The following THSD7B variants were observed in gnomAD, a reference collection of about 807,000 sequenced individuals.
The protein encoded by THSD7B is thrombospondin type 1 domain containing 7B.
In THSD7B, 138 loss-of-function variants were observed where a neutral mutation model predicts 213.6. The ratio of observed to expected loss-of-function variants is 0.65; its 90% CI spans 0.56 to 0.74. THSD7B has a LOEUF of 0.74. Among genes scored for constraint, THSD7B ranks in the 30% least tolerant of loss-of-function variants. The pLI is 0.00. For synonymous variants in THSD7B, 742 were observed against 687.0 expected, an observed-to-expected ratio of 1.08 and a Z score of -1.25; for missense variants, 1,931 against 1,991.5, an observed-to-expected ratio of 0.97 and a Z score of 0.58.
At chr2:137,625,998 A>C (rs961446021) in intron 20 of THSD7B, among the ~76,000 whole-genome samples, 2 of 152,214 alleles carry the variant, frequency 1.3e-5, no homozygotes, top group Non-Finnish European at 2.9e-5. Context: ...GCATGGTTAC[A>C]TCTAGGGCAG....
intron 2 of THSD7B, among the ~76,000 whole-genome samples, chr2:136,932,373 A>T (rs1212139079): frequency 2.0e-5 from 3 of 152,198 alleles, no homozygotes; most frequent in African/African-American, 7.2e-5. Context: ...GAAGATATGG[A>T]AACAGTGAAA....
At chr2:136,814,154 A>T (rs1682433523) in intron 1 of THSD7B, among the ~76,000 whole-genome samples, 1 of 152,208 alleles carries the variant, frequency 6.6e-6, no homozygotes, top group African/African-American at 2.4e-5. Flanking sequence ...TAATCATTAC[A>T]TGAACTGCAT....
intron 1 of THSD7B, among the ~76,000 whole-genome samples, chr2:136,812,539 T>C (rs1682393147): frequency 6.6e-6 from 1 of 152,228 alleles, no homozygotes; most frequent in Non-Finnish European, 1.5e-5. Context: ...TAATAAGAAC[T>C]ACTATTTATT....
chr2:136,800,376 TC>T (rs1682154703), intron 1 of THSD7B, among the ~76,000 whole-genome samples: 1 of 151,996 alleles, frequency 6.6e-6, no homozygotes, highest in African/African-American at 2.4e-5. Flanking sequence ...GAACTGTATC[TC>T]CATCATCTCA....
At chr2:137,502,454 A>G (rs1293548341) in intron 15 of THSD7B, among the ~76,000 whole-genome samples, 1 of 152,196 alleles carries the variant, frequency 6.6e-6, no homozygotes, top group Non-Finnish European at 1.5e-5. Flanking sequence ...GACAAATCTT[A>G]CATTTGAAAT....
At chr2:137,127,295 G>C (rs1274859906) in intron 5 of THSD7B, among the ~76,000 whole-genome samples, 1 of 152,096 alleles carries the variant, frequency 6.6e-6, no homozygotes, top group Non-Finnish European at 1.5e-5. Context: ...TTTTTACTCA[G>C]TTGCATACCA....
intron 3 of THSD7B, among the ~76,000 whole-genome samples, chr2:137,088,080 A>C (rs1166872643): frequency 1.3e-5 from 2 of 151,874 alleles, no homozygotes; most frequent in Admixed American, 6.6e-5. Context: ...TCTCTACTAA[A>C]ATACAAAAAA....
Position 137,141,663 on chromosome 2 carries a change from G to A in THSD7B, c.1370-18550G>A, listed in dbSNP as rs559734317. 2.9e-5 allele frequency among the ~76,000 whole-genome samples: 4 copies of A among 135,960 alleles called. No homozygotes were observed. The South Asian group carries it at 7.1e-4, about 24-fold the overall frequency. The allele number at this position is 135,960 out of a possible 152,430, so 89.2% of individuals were successfully genotyped here. Reference sequence around the variant, plus strand: ...AGTGAAAGGTACATGGGAACTCCATGCCCCTGTGTGTGTGTATGTGCGTGT... The same window carrying A: ...AGTGAAAGGTACATGGGAACTCCATACCCCTGTGTGTGTGTATGTGCGTGT... On this transcript the variant is annotated intron_variant, in intron 5 of 27. Transcript: ENST00000409968.
intron 1 of THSD7B, among the ~76,000 whole-genome samples, chr2:136,786,388 T>C (rs1573637581): frequency 6.6e-6 from 1 of 152,126 alleles, no homozygotes; most frequent in Non-Finnish European, 1.5e-5. Flanking sequence ...AAGAGGACCA[T>C]GTATTGTTTC....
At chr2:137,223,805 G>A (rs10200257) in intron 7 of THSD7B, among the ~76,000 whole-genome samples, 2,901 of 152,242 alleles carry the variant, frequency 0.019, 42 homozygotes, top group African/African-American at 0.04. Flanking sequence ...CCTGATGGGA[G>A]GTGACTGGAA....
chr2:137,618,096 C>A (rs1422010341), intron 18 of THSD7B, among the ~76,000 whole-genome samples: 2 of 152,150 alleles, frequency 1.3e-5, no homozygotes, highest in Non-Finnish European at 2.9e-5. Flanking sequence ...TCTTTACCAT[C>A]CTGGTTAGTA....
At chr2:137,336,901 C>T (rs996761969) in intron 12 of THSD7B, among the ~76,000 whole-genome samples, 6 of 151,944 alleles carry the variant, frequency 3.9e-5, no homozygotes, top group African/African-American at 9.7e-5. Flanking sequence ...ATTCCTCCTT[C>T]GTATCAATTT....
chr2:136,806,063 A>G (rs566903308), intron 1 of THSD7B, among the ~76,000 whole-genome samples: 480 of 152,312 alleles, frequency 3.2e-3, no homozygotes, highest in Non-Finnish European at 5.0e-3. Context: ...TCCCTCAGGG[A>G]AATTCAGGCT....
chr2:137,453,326 C>CTTTTTTT lies in THSD7B; in HGVS notation c.3138+2318_3138+2324dup, dbSNP rs70978223. ...CTCTGCTGAGAACATTTGAAATTTA[C>CTTTTTTT]TTTTTTTTTTTTTTTTTTTTTGAGA... On this transcript the variant is annotated intron_variant, in intron 15 of 27. Transcript: ENST00000409968. Among the ~76,000 whole-genome samples the CTTTTTTT allele has an allele frequency of 5.2e-4, 50 of 96,848 alleles. 2 individuals are homozygous for CTTTTTTT. The highest frequency in any genetic ancestry group is 7.5e-4 in the South Asian group (2 of 2,654). The allele number at this position is 96,848 out of a possible 152,430, so 63.5% of individuals were successfully genotyped here.
intron 12 of THSD7B, among the ~76,000 whole-genome samples, chr2:137,370,137 A>G (rs1373172791): frequency 6.6e-6 from 1 of 152,180 alleles, no homozygotes; most frequent in Non-Finnish European, 1.5e-5. Flanking sequence ...GAACGCATAT[A>G]TGATATAGAA....
At chr2:136,949,617 C>A (rs115535446) in intron 2 of THSD7B, among the ~76,000 whole-genome samples, 2,164 of 152,320 alleles carry the variant, frequency 0.014, 70 homozygotes, top group African/African-American at 0.049. Context: ...CAAGGAGGAA[C>A]ATGCAGCAAC....
chr2:137,231,701 G>A (rs766868119), intron 8 of THSD7B, among the ~76,000 whole-genome samples: 9 of 152,208 alleles, frequency 5.9e-5, no homozygotes, highest in Non-Finnish European at 1.2e-4. Flanking sequence ...ATCCTGTCAT[G>A]CCAGCATTCT....
intron 17 of THSD7B, among the ~76,000 whole-genome samples, chr2:137,611,005 T>C (rs867880468): frequency 1.4e-5 from 2 of 146,306 alleles, no homozygotes; most frequent in Admixed American, 6.8e-5. Flanking sequence ...ATAATAATAA[T>C]AAATAAAAAA....
At chr2:137,497,199 C>G (rs946795429) in intron 15 of THSD7B, among the ~76,000 whole-genome samples, 6 of 100,614 alleles carry the variant, frequency 6.0e-5, no homozygotes, top group Admixed American at 4.4e-4. Context: ...AACACATACA[C>G]AACACACACA....
Sources: allele counts gnomAD v4.1 joint callset (sites outside exome capture counted in the v4.1 genomes callset), GRCh38; gene constraint gnomAD v4.1.1; transcripts MANE v1.5; gene names NCBI Gene and HGNC (gene_info 2026-07-23, HGNC 2026-07-21).